INSYN2B: variants seen among roughly 807,000 people sequenced by gnomAD.
The protein encoded by INSYN2B is inhibitory synaptic factor family member 2B.
INSYN2B carries 16 observed loss-of-function variants against 41.2 expected under a neutral mutation model. The observed-to-expected ratio is 0.39, with a 90% CI of 0.26 to 0.59. INSYN2B has a LOEUF of 0.59. INSYN2B is among the 20% of genes least tolerant of loss of function. The probability of loss-of-function intolerance (pLI) is 0.57; values close to 1 mark genes in which losing one functional copy is unlikely to be tolerated. For synonymous variants in INSYN2B, 245 were observed against 244.4 expected, an observed-to-expected ratio of 1.00 and a Z score of -0.02; for missense variants, 608 against 646.4, an observed-to-expected ratio of 0.94 and a Z score of 0.64.
chr5:169,972,916 A>G (rs963795006), intron 1 of INSYN2B, among the ~76,000 whole-genome samples: 22 of 152,120 alleles, frequency 1.4e-4, no homozygotes, highest in African/African-American at 2.7e-4. Context: ...CCCCTCCCCA[A>G]TAAGCTGTTA....
intron 3 of INSYN2B, among the ~76,000 whole-genome samples, chr5:169,876,106 C>G (rs1382379731): frequency 1.3e-5 from 2 of 152,184 alleles, no homozygotes; most frequent in African/African-American, 2.4e-5. Context: ...CCACGGCACT[C>G]TGACCTTTGC....
intron 1 of INSYN2B, among the ~76,000 whole-genome samples, chr5:169,937,026 G>GTATT (rs1776029984): frequency 6.6e-6 from 1 of 152,196 alleles, no homozygotes. Context: ...GAGAGGCTGG[G>GTATT]TATTTGGTGA....
At chr5:169,911,529 T>A (rs1257016891) in intron 1 of INSYN2B, among the ~76,000 whole-genome samples, 1 of 152,202 alleles carries the variant, frequency 6.6e-6, no homozygotes, top group Non-Finnish European at 1.5e-5. Context: ...TGGTGAGAGT[T>A]CCTGAGACAG....
intron 1 of INSYN2B, among the ~76,000 whole-genome samples, chr5:169,951,211 A>G (rs941956188): frequency 1.3e-5 from 2 of 152,178 alleles, no homozygotes; most frequent in South Asian, 2.1e-4. Flanking sequence ...TCATTCCTTT[A>G]TCAAATGTGG....
intron 1 of INSYN2B, among the ~76,000 whole-genome samples, chr5:169,902,967 A>AGG (rs1774017487): frequency 6.6e-6 from 1 of 152,040 alleles, no homozygotes; most frequent in Non-Finnish European, 1.5e-5. Flanking sequence ...GTGTGGTGGC[A>AGG]CATGCCTGTA....
intron 1 of INSYN2B, among the ~76,000 whole-genome samples, chr5:169,901,164 T>A (rs1286201934): frequency 6.6e-6 from 1 of 151,784 alleles, no homozygotes; most frequent in Non-Finnish European, 1.5e-5. Context: ...GGATGGTGGG[T>A]GTGATTGAGG....
intron 1 of INSYN2B, among the ~76,000 whole-genome samples, chr5:169,932,429 T>C (rs530266779): frequency 3.9e-5 from 6 of 152,038 alleles, no homozygotes; most frequent in Non-Finnish European, 7.4e-5. Flanking sequence ...GGAAGGAAGA[T>C]GGCAGCTGCC....
intron 1 of INSYN2B, among the ~76,000 whole-genome samples, chr5:169,930,413 C>T (rs1355734463): frequency 2.0e-5 from 3 of 152,154 alleles, no homozygotes; most frequent in Non-Finnish European, 4.4e-5. Context: ...ACCTCAGAGC[C>T]TCTTAGGGTA....
intron 1 of INSYN2B, among the ~76,000 whole-genome samples, chr5:169,894,338 C>T (rs559621116): frequency 2.6e-5 from 4 of 152,204 alleles, no homozygotes; most frequent in African/African-American, 7.2e-5. Flanking sequence ...CTTAGAGGTG[C>T]CTTGGGTGGG....
At chr5:169,891,019 C>T (rs1773250546) in intron 1 of INSYN2B, among the ~76,000 whole-genome samples, 1 of 152,234 alleles carries the variant, frequency 6.6e-6, no homozygotes, top group African/African-American at 2.4e-5. Context: ...ACTTTCAGGG[C>T]CACAACCTTG....
chr5:169,954,077 G>GGA (rs1195870434), intron 1 of INSYN2B, among the ~76,000 whole-genome samples: 2 of 152,104 alleles, frequency 1.3e-5, no homozygotes, highest in African/African-American at 4.8e-5. Flanking sequence ...TCTTCCTTTT[G>GGA]GAGATTTCAC....
intron 1 of INSYN2B, among the ~76,000 whole-genome samples, chr5:169,977,615 C>T (rs1484367564): frequency 6.6e-6 from 1 of 152,206 alleles, no homozygotes; most frequent in Non-Finnish European, 1.5e-5. Context: ...CTCAGGCTTT[C>T]TGGCTCCTAA....
At chr5:169,921,064 T>C (rs1374202198) in intron 1 of INSYN2B, among the ~76,000 whole-genome samples, 2 of 152,226 alleles carry the variant, frequency 1.3e-5, no homozygotes, top group East Asian at 3.8e-4. Context: ...CTTCTGGAAA[T>C]TCTTTTAAAG....
chr5:169,868,923 G>A (rs1298327100), intron 3 of INSYN2B, among the ~76,000 whole-genome samples: 1 of 152,156 alleles, frequency 6.6e-6, no homozygotes, highest in Non-Finnish European at 1.5e-5. Flanking sequence ...AGAGCTGAAT[G>A]CTCTTGGGTT....
chr5:169,975,159 G>A (rs967191454), intron 1 of INSYN2B, among the ~76,000 whole-genome samples: 2 of 152,202 alleles, frequency 1.3e-5, no homozygotes, highest in East Asian at 3.9e-4. Flanking sequence ...AGCAAGAAAT[G>A]CTTGCTGAAG....
At chr5:169,926,241 C>T (rs1162378567) in intron 1 of INSYN2B, among the ~76,000 whole-genome samples, 2 of 152,220 alleles carry the variant, frequency 1.3e-5, no homozygotes, top group Admixed American at 1.3e-4. Flanking sequence ...AAGCCACTCA[C>T]CTGATTGTCT....
chr5:169,954,784 A>T (rs1776796239), intron 1 of INSYN2B, among the ~76,000 whole-genome samples: 1 of 152,204 alleles, frequency 6.6e-6, no homozygotes, highest in Non-Finnish European at 1.5e-5. Flanking sequence ...GAGTGACCTC[A>T]TGAGAGGTCA....
intron 1 of INSYN2B, among the ~76,000 whole-genome samples, chr5:169,954,198 G>A (rs1221040699): frequency 2.0e-5 from 3 of 152,202 alleles, no homozygotes; most frequent in African/African-American, 7.2e-5. Context: ...GCTTTTAGAA[G>A]TGTTTGGCTG....
intron 3 of INSYN2B, 82 bp from the exon 4 acceptor site, chr5:169,864,541 T>A (rs1437639582): frequency 3.7e-6 from 4 of 1,086,384 alleles, no homozygotes; most frequent in Non-Finnish European, 5.1e-6. Context: ...CCAACTAATA[T>A]GGAAGAGCAT....
Sources: gnomAD v4.1 joint callset for allele counts (sites outside exome capture counted in the v4.1 genomes callset) on GRCh38, gnomAD v4.1.1 for gene constraint, MANE v1.5 for transcripts, NCBI Gene and HGNC (gene_info 2026-07-23, HGNC 2026-07-21) for gene names.